The following RIMS1 variants were observed in gnomAD, a reference collection of about 807,000 sequenced individuals.
The protein encoded by RIMS1 is regulating synaptic membrane exocytosis 1.
RIMS1 carries 83 observed loss-of-function variants against 214.1 expected under a neutral mutation model. The observed-to-expected ratio is 0.39, with a 90% CI of 0.32 to 0.47. RIMS1 has a LOEUF of 0.47. Among genes scored for constraint, RIMS1 ranks in the 20% least tolerant of loss-of-function variants. The probability of loss-of-function intolerance (pLI) is 0.99; values close to 1 mark genes in which losing one functional copy is unlikely to be tolerated. For missense variants in RIMS1, 2,050 were observed against 2,161.8 expected, an observed-to-expected ratio of 0.95 and a Z score of 1.03; for synonymous variants, 793 against 786.8, an observed-to-expected ratio of 1.01 and a Z score of -0.13.
intron 2 of RIMS1, among the ~76,000 whole-genome samples, chr6:71,970,444 T>G (rs1381921468): frequency 1.3e-5 from 2 of 152,216 alleles, no homozygotes; most frequent in African/African-American, 4.8e-5. Context: ...TTTTAAAATC[T>G]CTTTATATTC....
chr6:72,306,095 A>G (rs1047181330), intron 26 of RIMS1, among the ~76,000 whole-genome samples: 4 of 152,116 alleles, frequency 2.6e-5, no homozygotes, highest in East Asian at 1.9e-4. Flanking sequence ...ATTGTCAGCA[A>G]ATATCTTTAT....
chr6:72,364,515 A>G (rs572777812), intron 29 of RIMS1, among the ~76,000 whole-genome samples: 3 of 152,342 alleles, frequency 2.0e-5, no homozygotes, highest in Middle Eastern at 3.4e-3. Flanking sequence ...TGACTAATTC[A>G]TGAAAAATTC....
chr6:72,157,585 G>A (rs868142230), intron 4 of RIMS1, among the ~76,000 whole-genome samples: 6 of 139,838 alleles, frequency 4.3e-5, no homozygotes, highest in East Asian at 2.0e-4. Context: ...CTGTACTATC[G>A]TTATTATAAC....
intron 28 of RIMS1, among the ~76,000 whole-genome samples, chr6:72,321,532 T>C (rs947600180): frequency 6.6e-6 from 1 of 152,108 alleles, no homozygotes; most frequent in African/African-American, 2.4e-5. Flanking sequence ...AGAATAATTA[T>C]ATGCTTTTTA....
intron 29 of RIMS1, among the ~76,000 whole-genome samples, chr6:72,383,847 T>A (rs2098539442): frequency 6.6e-6 from 1 of 152,048 alleles, no homozygotes; most frequent in African/African-American, 2.4e-5. Flanking sequence ...AATTAATTTT[T>A]ACAAAATAAC....
intron 26 of RIMS1, among the ~76,000 whole-genome samples, chr6:72,295,540 A>G (rs1252324400): frequency 6.6e-6 from 1 of 151,828 alleles, no homozygotes; most frequent in Admixed American, 6.6e-5. Flanking sequence ...AATTTTTGTT[A>G]TGAAAATTAA....
chr6:72,349,731 T>A (rs149154445), intron 29 of RIMS1, among the ~76,000 whole-genome samples: 80 of 152,170 alleles, frequency 5.3e-4, no homozygotes, highest in African/African-American at 1.8e-3. Flanking sequence ...AAGTTAATCA[T>A]CTTTAGGTAA....
At chr6:72,312,392 T>C (rs1055613370) in intron 27 of RIMS1, among the ~76,000 whole-genome samples, 3 of 151,974 alleles carry the variant, frequency 2.0e-5, no homozygotes, top group African/African-American at 7.2e-5. Flanking sequence ...TTATTTATAG[T>C]TATGTAACCT....
intron 1 of RIMS1, among the ~76,000 whole-genome samples, chr6:71,898,185 G>T (rs1388283668): frequency 2.0e-5 from 3 of 152,034 alleles, no homozygotes; most frequent in Non-Finnish European, 4.4e-5. Flanking sequence ...TAATCCTCTG[G>T]ACAGACATGC....
chr6:71,910,145 T>C lies in RIMS1; in HGVS notation c.164+22958T>C, dbSNP rs143170018. On this transcript the variant is annotated intron_variant, in intron 1 of 33. Transcript: ENST00000521978. ...TCAGAAAGAGAGAGAGGTACTTATC[T>C]GCACACACTTTTCTCCTGGTCAGGA... is the stretch of plus-strand genomic sequence containing the variant. Among the ~76,000 whole-genome samples the C allele has an allele frequency of 8.0e-4, 122 of 152,272 alleles. 1 individual carries two copies. The highest frequency in any genetic ancestry group is 2.5e-3 in the African/African-American group (103 of 41,572).
chr6:72,193,582 A>C (rs1183561062), intron 6 of RIMS1, among the ~76,000 whole-genome samples: 2 of 152,210 alleles, frequency 1.3e-5, no homozygotes, highest in South Asian at 2.1e-4. Flanking sequence ...ACCATTGCCT[A>C]CTAAGGGTGA....
intron 23 of RIMS1, among the ~76,000 whole-genome samples, chr6:72,275,919 C>T (rs1420204787): frequency 6.6e-6 from 1 of 152,156 alleles, no homozygotes; most frequent in East Asian, 1.9e-4. Context: ...AGAAAAAATA[C>T]TTCTGTGCCA....
chr6:72,181,073 A>G (rs2048341425), intron 5 of RIMS1, among the ~76,000 whole-genome samples: 1 of 151,542 alleles, frequency 6.6e-6, no homozygotes, highest in African/African-American at 2.4e-5. Context: ...TGATTAGAAC[A>G]TACATGGTCC....
chr6:72,153,171 A>G (rs1318427009), intron 4 of RIMS1, among the ~76,000 whole-genome samples: 1 of 147,286 alleles, frequency 6.8e-6, no homozygotes, highest in Non-Finnish European at 1.5e-5. Context: ...TATTCCCCTT[A>G]TGTCCTCCAA....
intron 24 of RIMS1, 42 bp downstream of exon 24, chr6:72,284,160 G>C (rs377581533): frequency 6.5e-7 from 1 of 1,541,808 alleles, no homozygotes; most frequent in African/African-American, 1.4e-5. Context: ...TCCATTTTAG[G>C]AATATATTTA....
At chr6:72,081,799 T>A (rs149799667) in intron 2 of RIMS1, among the ~76,000 whole-genome samples, 77 of 152,330 alleles carry the variant, frequency 5.1e-4, no homozygotes, top group African/African-American at 1.8e-3. Context: ...TTTTATGATC[T>A]CTCTTTCGTG....
chr6:72,271,287 AT>A (rs58529649), intron 22 of RIMS1, among the ~76,000 whole-genome samples: 124 of 5,702 alleles, frequency 0.022, 2 homozygotes, highest in African/African-American at 0.032. Flanking sequence ...AAAAAAAAAA[AT>A]ATATATATAT....
chr6:72,152,419 A>G (rs562282397), intron 4 of RIMS1, among the ~76,000 whole-genome samples: 24 of 152,248 alleles, frequency 1.6e-4, no homozygotes, highest in African/African-American at 5.8e-4. Context: ...ACTCTTAGCC[A>G]CTATGCTATG....
rs912165537 is a variant in RIMS1 at position 72,057,665 on chromosome 6, T to C, written c.246-39284T>C. Among the ~76,000 whole-genome samples, 8 of 152,020 alleles carry C rather than the reference T, an allele frequency of 5.3e-5. No individual in the cohort carries two copies. The South Asian group carries it at 8.3e-4, about 16-fold the overall frequency. On this transcript the variant is annotated intron_variant, in intron 2 of 33. Coordinates refer to ENST00000521978, the MANE Select transcript of RIMS1 (RefSeq NM_014989.7). ...TGGGACTACAGGCGCCCGCCACCAC[T>C]ACTAGCTAATTTTTTGTATTTTCAG... is the stretch of plus-strand genomic sequence containing the variant.
Sources: allele counts gnomAD v4.1 joint callset (sites outside exome capture counted in the v4.1 genomes callset), GRCh38; gene constraint gnomAD v4.1.1; transcripts MANE v1.5; gene names NCBI Gene and HGNC (gene_info 2026-07-23, HGNC 2026-07-21).